Variants in CNTN4 observed in about 807,000 individuals in gnomAD.
CNTN4 encodes the protein contactin-4.
A neutral mutation model predicts 122.5 loss-of-function variants in CNTN4; 77 were observed. That is an observed-to-expected ratio of 0.63 (90% CI 0.52 to 0.76). The LOEUF is 0.76. CNTN4 is among the 30% of genes least tolerant of loss of function. The pLI is 0.00. For synonymous variants in CNTN4, 512 were observed against 447.0 expected (o/e 1.15, Z -1.83); for missense variants, 1,256 against 1,259.1 (o/e 1.00, Z 0.04).
intron 2 of CNTN4, among the ~76,000 whole-genome samples, chr3:2,124,826 C>T (rs2034036617): frequency 6.6e-6 from 1 of 152,176 alleles, no homozygotes. Flanking sequence ...CAAAAATCTA[C>T]ACAGATTTAA....
chr3:2,985,076 G>T (rs963480015), intron 13 of CNTN4, among the ~76,000 whole-genome samples: 3 of 152,318 alleles, frequency 2.0e-5, no homozygotes, highest in African/African-American at 4.8e-5. Flanking sequence ...TGAACAAAAG[G>T]CCTTCTTGTC....
intron 14 of CNTN4, among the ~76,000 whole-genome samples, chr3:2,994,594 CATATATAT>C (rs35069373): frequency 1.4e-5 from 2 of 144,658 alleles, no homozygotes; most frequent in East Asian, 2.0e-4. Flanking sequence ...CAGATTTTTT[CATATATAT>C]ATATATATAT....
intron 4 of CNTN4, among the ~76,000 whole-genome samples, chr3:2,625,765 A>G (rs979721951): frequency 1.3e-5 from 2 of 151,992 alleles, no homozygotes; most frequent in Non-Finnish European, 2.9e-5. Context: ...TGCTATTATC[A>G]TTAATTTCTG....
intron 3 of CNTN4, among the ~76,000 whole-genome samples, chr3:2,444,294 G>A (rs1458836556): frequency 6.6e-6 from 1 of 151,906 alleles, no homozygotes; most frequent in Non-Finnish European, 1.5e-5. Context: ...ACGAGGCAGA[G>A]TAGAAATAGA....
Position 2,936,745 on chromosome 3 carries a change from G to T in CNTN4, c.1358+10966G>T, listed in dbSNP as rs1327938670. On this transcript the variant is annotated intron_variant, in intron 13 of 24. Transcript: ENST00000418658. ...ACAGGCCACATCCAACCCTCCACCT[G>T]TGTTTGTACAGTTGGCAAGCTGAGA... 2.0e-5 allele frequency among the ~76,000 whole-genome samples: 3 copies of T among 152,152 alleles called. No individual in the cohort carries two copies. In the East Asian group the frequency reaches 5.8e-4, roughly 29 times the overall value.
chr3:2,302,155 G>T (rs184626115), intron 2 of CNTN4, among the ~76,000 whole-genome samples: 2 of 152,304 alleles, frequency 1.3e-5, no homozygotes, highest in East Asian at 3.9e-4. Context: ...ATTGGGCTGG[G>T]CACAGTGGCT....
chr3:2,377,681 C>G (rs1269430896), intron 3 of CNTN4, among the ~76,000 whole-genome samples: 1 of 152,184 alleles, frequency 6.6e-6, no homozygotes, highest in Non-Finnish European at 1.5e-5. Context: ...CTTGTCCAAC[C>G]TGTGACCTGT....
chr3:2,605,499 A>G (rs2149781820), intron 4 of CNTN4, among the ~76,000 whole-genome samples: 1 of 152,248 alleles, frequency 6.6e-6, no homozygotes, highest in East Asian at 1.9e-4. Context: ...GATATGATCT[A>G]AATTTTCTCT....
At chr3:2,967,878 T>A (rs1050222704) in intron 13 of CNTN4, among the ~76,000 whole-genome samples, 2 of 151,772 alleles carry the variant, frequency 1.3e-5, no homozygotes, top group Non-Finnish European at 2.9e-5. Context: ...TGACAATGAT[T>A]TTGGTTGAGA....
intron 4 of CNTN4, among the ~76,000 whole-genome samples, chr3:2,722,249 C>T (rs531106793): frequency 2.6e-5 from 4 of 152,280 alleles, no homozygotes; most frequent in African/African-American, 9.6e-5. Context: ...AATCTGCTTC[C>T]CACAGCCTAG....
At chr3:2,819,669 A>G (rs1043001798) in intron 7 of CNTN4, 88 bp downstream of exon 7, 5 of 991,650 alleles carry the variant, frequency 5.0e-6, no homozygotes, top group South Asian at 1.3e-5. Flanking sequence ...AGCTGAGTGC[A>G]CAGTGTCATT....
rs952857890 is a variant in CNTN4, at chr3:2,987,668, T to C, written c.1359-677T>C. Among the ~76,000 whole-genome samples the C allele has an allele frequency of 5.3e-5, 8 of 152,234 alleles. No homozygotes were observed. In the East Asian group the frequency reaches 9.6e-4, roughly 18 times the overall value. On this transcript the variant is annotated intron_variant, in intron 13 of 24. Transcript: ENST00000418658. ...GTAGTCATGATGAAAACAGAGTTCT[T>C]CAAAATTCTTCCTCTTCCAGATTTT...
At chr3:2,189,889 G>A (rs1385346053) in intron 2 of CNTN4, among the ~76,000 whole-genome samples, 1 of 152,112 alleles carries the variant, frequency 6.6e-6, no homozygotes, top group Non-Finnish European at 1.5e-5. Context: ...GTGATTACCG[G>A]AGGTTATCAT....
chr3:2,222,156 C>T (rs1328902977), intron 2 of CNTN4, among the ~76,000 whole-genome samples: 2 of 152,140 alleles, frequency 1.3e-5, no homozygotes, highest in Non-Finnish European at 2.9e-5. Flanking sequence ...CCCAGATGTT[C>T]ATTAACTGAT....
chr3:2,203,663 C>T (rs1321641137), intron 2 of CNTN4, among the ~76,000 whole-genome samples: 1 of 152,004 alleles, frequency 6.6e-6, no homozygotes, highest in Non-Finnish European at 1.5e-5. Flanking sequence ...AGGGAGCAGG[C>T]ACTAAGTCAG....
At chr3:2,734,783 A>G (rs538616786) in intron 4 of CNTN4, among the ~76,000 whole-genome samples, 16 of 151,804 alleles carry the variant, frequency 1.1e-4, no homozygotes, top group Non-Finnish European at 2.1e-4. Context: ...GTCTCATCCT[A>G]TCACCTATCA....
At chr3:2,610,244 T>G (rs1436549134) in intron 4 of CNTN4, among the ~76,000 whole-genome samples, 7 of 152,222 alleles carry the variant, frequency 4.6e-5, no homozygotes, top group African/African-American at 1.4e-4. Context: ...CTTGAAATTA[T>G]TATAATCTCC....
chr3:2,173,440 C>T (rs953627474), intron 2 of CNTN4, among the ~76,000 whole-genome samples: 2 of 152,166 alleles, frequency 1.3e-5, no homozygotes, highest in African/African-American at 4.8e-5. Flanking sequence ...CAGAATTAAA[C>T]ACTCCTTCTT....
At chr3:2,341,895 C>G (rs1162519045) in intron 3 of CNTN4, among the ~76,000 whole-genome samples, 1 of 152,138 alleles carries the variant, frequency 6.6e-6, no homozygotes, top group Admixed American at 6.5e-5. Flanking sequence ...TGAACAATAG[C>G]AGCCTTCCAG....
Sources: allele counts gnomAD v4.1 joint callset (sites outside exome capture counted in the v4.1 genomes callset), GRCh38; gene constraint gnomAD v4.1.1; transcripts MANE v1.5; gene names NCBI Gene and HGNC (gene_info 2026-07-23, HGNC 2026-07-21).